The following KCNQ3 variants were observed in gnomAD, a reference collection of about 807,000 sequenced individuals.
KCNQ3 encodes potassium voltage-gated channel subfamily Q member 3.
A neutral mutation model predicts 92.5 loss-of-function variants in KCNQ3; 30 were observed. The observed-to-expected ratio is 0.32, with a 90% confidence interval of 0.24 to 0.44. KCNQ3 has a LOEUF of 0.44. Ranked by LOEUF, KCNQ3 falls within the 20% of genes least tolerant of loss-of-function variation. The probability of loss-of-function intolerance (pLI) is 1.00; values close to 1 mark genes in which losing one functional copy is unlikely to be tolerated. For missense variants in KCNQ3, 913 were observed against 1,140.3 expected, an observed-to-expected ratio of 0.80 and a Z score of 2.87; for synonymous variants, 450 against 468.8, an observed-to-expected ratio of 0.96 and a Z score of 0.52.
At chr8:132,309,326 C>T (rs1481020736) in intron 1 of KCNQ3, among the ~76,000 whole-genome samples, 1 of 152,194 alleles carries the variant, frequency 6.6e-6, no homozygotes, top group Non-Finnish European at 1.5e-5. Flanking sequence ...ATTATTATCT[C>T]CTGCTGCTCA....
chr8:132,213,317 C>A (rs1446639390), intron 1 of KCNQ3, among the ~76,000 whole-genome samples: 1 of 152,156 alleles, frequency 6.6e-6, no homozygotes, highest in African/African-American at 2.4e-5. Flanking sequence ...ATTTCACTGA[C>A]CAAGGTGCCG....
At chr8:132,300,799 T>G (rs1422280537) in intron 1 of KCNQ3, among the ~76,000 whole-genome samples, 1 of 152,158 alleles carries the variant, frequency 6.6e-6, no homozygotes, top group South Asian at 2.1e-4. Flanking sequence ...AGGTTAATTC[T>G]TTTCCATGAC....
At chr8:132,168,158 CCTT>C (rs1160943660) in intron 8 of KCNQ3, among the ~76,000 whole-genome samples, 1 of 152,178 alleles carries the variant, frequency 6.6e-6, no homozygotes, top group Non-Finnish European at 1.5e-5. Context: ...TTCAGGTCCT[CCTT>C]CTACTCCCCC....
intron 1 of KCNQ3, among the ~76,000 whole-genome samples, chr8:132,316,535 T>G (rs1817748778): frequency 6.6e-6 from 1 of 152,206 alleles, no homozygotes; most frequent in Non-Finnish European, 1.5e-5. Flanking sequence ...TTTGTGATCC[T>G]GGAGAAGTAC....
In KCNQ3 at chr8:132,125,615, T is replaced by C. The variant is rs1053465279; in HGVS notation, c.*3647A>G. The C allele has an allele frequency of 1.3e-5, 2 of 152,208 alleles. No homozygotes were observed. The highest frequency in any genetic ancestry group is 2.9e-5 in the Non-Finnish European group (2 of 68,030). 9.4% of individuals were successfully genotyped at this position (152,208 alleles called of 1,614,324 possible). On this transcript the variant is annotated 3_prime_UTR_variant, in exon 15 of 15. Transcript: ENST00000388996. ...GAATTATGAGGATGATTTTGCCAAA[T>C]TATGAGTAGGTCCTATTAGATTAGG... is the stretch of plus-strand genomic sequence containing the variant.
chr8:132,159,824 A>G (rs1825928999), intron 9 of KCNQ3, among the ~76,000 whole-genome samples: 1 of 152,242 alleles, frequency 6.6e-6, no homozygotes, highest in East Asian at 1.9e-4. Flanking sequence ...TAATGAGTCC[A>G]TCCATCCATC....
At chr8:132,227,707 G>C (rs774607901) in intron 1 of KCNQ3, among the ~76,000 whole-genome samples, 15 of 152,092 alleles carry the variant, frequency 9.9e-5, no homozygotes, top group Admixed American at 3.3e-4. Context: ...GGGCTCCAAG[G>C]AAAAATCCAT....
At chr8:132,306,390 G>A (rs1479072355) in intron 1 of KCNQ3, among the ~76,000 whole-genome samples, 1 of 152,112 alleles carries the variant, frequency 6.6e-6, no homozygotes, top group African/African-American at 2.4e-5. Flanking sequence ...ATCATCTACT[G>A]TCCTTGCAGA....
At chr8:132,136,588 T>C (rs538848975) in intron 12 of KCNQ3, among the ~76,000 whole-genome samples, 3 of 152,342 alleles carry the variant, frequency 2.0e-5, no homozygotes, top group African/African-American at 7.2e-5. Flanking sequence ...TGTGTGTTTC[T>C]GAATAAGCAT....
intron 1 of KCNQ3, among the ~76,000 whole-genome samples, chr8:132,316,115 C>T (rs1267768515): frequency 1.3e-5 from 2 of 151,964 alleles, no homozygotes; most frequent in African/African-American, 4.8e-5. Context: ...TCCTGAATTA[C>T]TGGTATTTTA....
At chr8:132,381,397 T>C (rs767516564) in intron 1 of KCNQ3, among the ~76,000 whole-genome samples, 1 of 152,198 alleles carries the variant, frequency 6.6e-6, no homozygotes, top group African/African-American at 2.4e-5. Context: ...TTTGGATTCA[T>C]TAATAGCAGA....
At chr8:132,278,356 C>T (rs1816406555) in intron 1 of KCNQ3, 1 of 314,662 alleles carries the variant, frequency 3.2e-6, no homozygotes, top group African/African-American at 2.3e-5. Flanking sequence ...ATCCCACAAT[C>T]AGCATTGTCC....
At chr8:132,330,582 C>T (rs753601605) in intron 1 of KCNQ3, among the ~76,000 whole-genome samples, 1 of 152,124 alleles carries the variant, frequency 6.6e-6, no homozygotes, top group Non-Finnish European at 1.5e-5. Flanking sequence ...GGGAGATGGA[C>T]ATGTCAGCAA....
At chr8:132,171,376 G>A (rs773287193) in intron 7 of KCNQ3, among the ~76,000 whole-genome samples, 3 of 151,972 alleles carry the variant, frequency 2.0e-5, no homozygotes, top group Non-Finnish European at 2.9e-5. Flanking sequence ...CCATGCCCTC[G>A]CACACAGGCA....
intron 10 of KCNQ3, 80 bp downstream of exon 10, chr8:132,141,049 C>G: frequency 7.5e-7 from 1 of 1,327,780 alleles, no homozygotes; most frequent in Non-Finnish European, 1.1e-6. Context: ...CTTAAGTGGG[C>G]AAAGGGAGAG....
intron 1 of KCNQ3, among the ~76,000 whole-genome samples, chr8:132,339,433 C>T (rs1009830031): frequency 6.6e-6 from 1 of 152,172 alleles, no homozygotes; most frequent in Non-Finnish European, 1.5e-5. Flanking sequence ...TTGCTCTTTA[C>T]CACCATGTAC....
At chr8:132,241,390 A>G (rs1814992894) in intron 1 of KCNQ3, among the ~76,000 whole-genome samples, 1 of 151,898 alleles carries the variant, frequency 6.6e-6, no homozygotes, top group African/African-American at 2.4e-5. Context: ...ATTTTGCTAT[A>G]GTTATTATTA....
intron 1 of KCNQ3, among the ~76,000 whole-genome samples, chr8:132,191,556 TATAG>T (rs1827161201): frequency 6.7e-6 from 1 of 149,208 alleles, no homozygotes; most frequent in Non-Finnish European, 1.5e-5. Flanking sequence ...TGGATATATA[TATAG>T]ATAGATGGAT....
chr8:132,314,475 A>G (rs1008613609), intron 1 of KCNQ3, among the ~76,000 whole-genome samples: 21 of 152,254 alleles, frequency 1.4e-4, no homozygotes, highest in African/African-American at 4.3e-4. Context: ...CTATTCTAAA[A>G]TACAACTGAA....
Sources: allele counts gnomAD v4.1 joint callset (sites outside exome capture counted in the v4.1 genomes callset), GRCh38; gene constraint gnomAD v4.1.1; transcripts MANE v1.5; gene names NCBI Gene and HGNC (gene_info 2026-07-23, HGNC 2026-07-21).